Variants in CDC27 observed in about 807,000 individuals in gnomAD.
CDC27 encodes cell division cycle protein 27 homolog.
CDC27 carries 27 observed loss-of-function variants against 109.7 expected under a neutral mutation model. The ratio of observed to expected loss-of-function variants is 0.25; its 90% CI spans 0.18 to 0.34. CDC27 has a LOEUF of 0.34. CDC27 is among the 10% of genes least tolerant of loss of function. The probability of loss-of-function intolerance (pLI) is 1.00; values close to 1 mark genes in which losing one functional copy is unlikely to be tolerated. For synonymous variants in CDC27, 266 were observed against 333.9 expected, an observed-to-expected ratio of 0.80 and a Z score of 2.22; for missense variants, 579 against 960.2, an observed-to-expected ratio of 0.60 and a Z score of 5.25.
chr17:47,122,673 T>TAC lies in CDC27; in HGVS notation c.2236-75_2236-74dup, dbSNP rs113394136. The TAC allele has an allele frequency of 4.0e-3, 4,195 of 1,036,770 alleles. 123 individuals carry two copies. The African/African-American group carries it at 0.063, about 16-fold the overall frequency. 64.2% of individuals were successfully genotyped at this position (1,036,770 alleles called of 1,614,324 possible). ...AACTATAAAATTCTAACTATATATA[T>TAC]ACTTATTTATTTATTTTTGAGATGG... On this transcript the variant is annotated intron_variant, in intron 17 of 18. Transcript: ENST00000066544.
intron 1 of CDC27, among the ~76,000 whole-genome samples, chr17:47,182,757 C>T (rs1410884159): frequency 6.6e-6 from 1 of 152,068 alleles, no homozygotes; most frequent in East Asian, 1.9e-4. Flanking sequence ...ATCTATTTTA[C>T]AGCATGTGGA....
chr17:47,117,948 G>C lies in CDC27; in HGVS notation c.*2987C>G, dbSNP rs1598370377. On this transcript the variant is annotated 3_prime_UTR_variant, in exon 19 of 19. Transcript: ENST00000066544. Reference sequence around the variant, plus strand: ...ATTGCTTTCAAAAGTAACTTATTTGGATTTTCCATATCCTTTAATGAATTG... The same window carrying C: ...ATTGCTTTCAAAAGTAACTTATTTGCATTTTCCATATCCTTTAATGAATTG... The C allele has an allele frequency of 6.6e-6, 1 of 152,182 alleles. No homozygotes were observed. The highest frequency in any genetic ancestry group is 1.9e-4 in the East Asian group (1 of 5,188). 9.4% of individuals were successfully genotyped at this position (152,182 alleles called of 1,614,324 possible).
intron 12 of CDC27, 61 bp from the exon 13 acceptor site, chr17:47,138,952 G>T: frequency 8.9e-7 from 1 of 1,121,200 alleles, no homozygotes; most frequent in Non-Finnish European, 1.3e-6. Flanking sequence ...TATACACAGG[G>T]AAAGCCCTGG....
chr17:47,143,555 A>G (rs754050732), intron 10 of CDC27, among the ~76,000 whole-genome samples: 2 of 152,174 alleles, frequency 1.3e-5, no homozygotes, highest in Non-Finnish European at 2.9e-5. Context: ...CTTTTGTGCC[A>G]TGATTTAATA....
intron 2 of CDC27, among the ~76,000 whole-genome samples, chr17:47,173,752 A>T (rs1013858204): frequency 6.6e-6 from 1 of 152,226 alleles, no homozygotes; most frequent in Non-Finnish European, 1.5e-5. Flanking sequence ...CTTAAAAATT[A>T]TATGTTCAAA....
chr17:47,125,968 G>C (rs1264147749), intron 16 of CDC27, among the ~76,000 whole-genome samples: 1 of 152,130 alleles, frequency 6.6e-6, no homozygotes, highest in African/African-American at 2.4e-5. Context: ...AACATTTCAT[G>C]CAACCAGCAT....
rs192122410 is a variant in CDC27 at position 47,176,421 on chromosome 17, G to A, written c.104-4357C>T. 6.6e-3 allele frequency among the ~76,000 whole-genome samples: 1,006 copies of A among 152,132 alleles called. 7 individuals carry two copies. Among genetic ancestry groups the A allele is most frequent in the Non-Finnish European group, 9.3e-3 (634 of 67,998 alleles). ...ACATCCTGCATTTCAATACCAACTG[G>A]TTTTATACCTGTTGTTAATGATGGG... On this transcript the variant is annotated intron_variant, in intron 2 of 18. Coordinates refer to ENST00000066544, the MANE Select transcript of CDC27 (RefSeq NM_001256.6).
chr17:47,188,642 G>T, intron 1 of CDC27: 1 of 543,402 alleles, frequency 1.8e-6, no homozygotes, highest in Non-Finnish European at 2.3e-6. Flanking sequence ...GGGATAGGAA[G>T]TCTGTTACCA....
At chr17:47,156,863 T>C (rs2063322623) in intron 7 of CDC27, 50 bp downstream of exon 7, 14 of 621,862 alleles carry the variant, frequency 2.3e-5, no homozygotes, top group Non-Finnish European at 3.7e-5. Flanking sequence ...TGAGTTATCA[T>C]AAGATCATTT....
intron 4 of CDC27, among the ~76,000 whole-genome samples, chr17:47,162,924 G>C (rs528116783): frequency 7.9e-5 from 12 of 152,274 alleles, no homozygotes; most frequent in African/African-American, 2.9e-4. Context: ...AACTAGGGAA[G>C]AAGTCAGGTG....
rs770383894 is a variant in CDC27, at chr17:47,189,209, GC to G, written c.-38del. 70 of 1,576,694 alleles carry G rather than the reference GC, an allele frequency of 4.4e-5. No individual in the cohort carries two copies. The highest frequency in any genetic ancestry group is 1.6e-4 in the African/African-American group (12 of 74,158). On this transcript the variant is annotated 5_prime_UTR_variant, in exon 1 of 19. The change creates a premature stop within an existing upstream ORF in the 5' untranslated region. Transcript: ENST00000066544. The stretch of plus-strand genomic sequence containing the variant: ...AGGCCCACTTTCTGCAGTGCCTCAG[GC>G]CCCCCCTGTAGCGGCTCCGGCCCGG...
intron 4 of CDC27, among the ~76,000 whole-genome samples, chr17:47,160,617 G>A (rs2063471632): frequency 6.6e-6 from 1 of 151,996 alleles, no homozygotes; most frequent in South Asian, 2.1e-4. Flanking sequence ...CAACTTACCT[G>A]GTCTGAAGTT....
intron 15 of CDC27, among the ~76,000 whole-genome samples, chr17:47,130,221 C>T (rs563928946): frequency 7.2e-5 from 11 of 152,096 alleles, no homozygotes; most frequent in African/African-American, 2.4e-4. Context: ...ATTAGCCGGG[C>T]GTGGTGTCAC....
At chr17:47,163,751 C>G (rs1278070858) in intron 4 of CDC27, among the ~76,000 whole-genome samples, 1 of 152,140 alleles carries the variant, frequency 6.6e-6, no homozygotes, top group Non-Finnish European at 1.5e-5. Context: ...ACAATAGTCT[C>G]ATAAGATTAT....
intron 16 of CDC27, among the ~76,000 whole-genome samples, chr17:47,125,329 C>T (rs930818814): frequency 6.9e-6 from 1 of 145,216 alleles, no homozygotes; most frequent in South Asian, 2.2e-4. Context: ...TCGCTACAAC[C>T]TCTCCCTCCC....
intron 13 of CDC27, 106 bp downstream of exon 13, chr17:47,138,629 GAAAT>G: frequency 1.4e-6 from 1 of 708,558 alleles, no homozygotes; most frequent in South Asian, 1.8e-5. Flanking sequence ...GGAAAAAAAA[GAAAT>G]AAGCGTGGGT....
chr17:47,158,619 AATTTT>A (rs974907549), intron 4 of CDC27, among the ~76,000 whole-genome samples: 23 of 151,230 alleles, frequency 1.5e-4, no homozygotes, highest in Non-Finnish European at 2.8e-4. Flanking sequence ...TATTATTCTT[AATTTT>A]TTTTTTTTTT....
intron 16 of CDC27, among the ~76,000 whole-genome samples, chr17:47,126,765 C>T (rs769683847): frequency 2.3e-4 from 35 of 152,096 alleles, no homozygotes; most frequent in Admixed American, 1.8e-3. Context: ...AAAGTTGAAA[C>T]GGGCTTATTA....
At position 47,142,393 on chromosome 17, in the gene CDC27, G is replaced by C; in HGVS notation, c.1214C>G (p.Pro405Arg). 6.7e-7 allele frequency: 1 copy of C among 1,503,034 alleles called. No homozygotes were observed. Among genetic ancestry groups the C allele is most frequent in the Non-Finnish European group, 9.1e-7 (1 of 1,098,850 alleles). The allele number at this position is 1,503,034 out of a possible 1,614,324, so 93.1% of individuals were successfully genotyped here. Residue 405 changes from proline (P) to arginine (R), a missense_variant, in exon 11 of 19, where the codon CCA becomes CGA. By Grantham distance (103) the Pro-to-Arg change is moderately radical. Transcript: ENST00000066544. ...KLKMKFPPKIPNRKTKSKTNK... is the reference protein window; with the variant it reads ...KLKMKFPPKIRNRKTKSKTNK... ...AGTTTTACTTTTTGTTTTTCTGTTT[G>C]GGATTTTAGGTGGAAACTTCATTTT...
Sources: allele counts gnomAD v4.1 joint callset (sites outside exome capture counted in the v4.1 genomes callset), GRCh38; gene constraint gnomAD v4.1.1; transcripts MANE v1.5; gene names NCBI Gene and HGNC (gene_info 2026-07-23, HGNC 2026-07-21).